SAXO1: variants seen among roughly 807,000 people sequenced by gnomAD.
SAXO1 encodes the protein 4930500O09Rik.
In SAXO1, 21 loss-of-function variants were observed where a neutral mutation model predicts 17.5. The ratio of observed to expected loss-of-function variants is 1.20; its 90% CI spans 0.85 to 1.72. The LOEUF (loss-of-function observed/expected upper bound fraction) is 1.72, where lower values mean the gene tolerates loss of function less well. Among genes scored for constraint, SAXO1 ranks in the 40% most tolerant of loss-of-function variants. The probability of loss-of-function intolerance (pLI) is 0.00; values close to 1 mark genes in which losing one functional copy is unlikely to be tolerated. For missense variants in SAXO1, 843 were observed against 596.0 expected, an observed-to-expected ratio of 1.41 and a Z score of -4.32; for synonymous variants, 274 against 216.5, an observed-to-expected ratio of 1.27 and a Z score of -2.33.
upstream of SAXO1, among the ~76,000 whole-genome samples, chr9:19,036,265 AAAAAG>A (rs1358634441): frequency 1.3e-5 from 2 of 151,850 alleles, no homozygotes; most frequent in African/African-American, 4.8e-5. Context: ...AAAAAAAAAA[AAAAAG>A]AAAGAAAGAA....
At chr9:18,955,738 T>C (rs951535010) in intron 1 of SAXO1, among the ~76,000 whole-genome samples, 1 of 152,092 alleles carries the variant, frequency 6.6e-6, no homozygotes, top group Non-Finnish European at 1.5e-5. Flanking sequence ...CTGCAGCTGC[T>C]CACTTTCCTG....
intron 1 of SAXO1, among the ~76,000 whole-genome samples, chr9:19,044,321 A>G (rs1836150184): frequency 6.6e-6 from 1 of 152,166 alleles, no homozygotes; most frequent in South Asian, 2.1e-4. Context: ...AAACTTTTCA[A>G]TTCTCTTTGG....
chr9:18,953,369 A>G (rs1042301949), intron 1 of SAXO1, among the ~76,000 whole-genome samples: 2 of 152,234 alleles, frequency 1.3e-5, no homozygotes, highest in Non-Finnish European at 2.9e-5. Flanking sequence ...ATTCCAAAAG[A>G]AAAATAAATT....
intron 1 of SAXO1, among the ~76,000 whole-genome samples, chr9:18,977,694 T>A (rs1833204527): frequency 6.6e-6 from 1 of 152,080 alleles, no homozygotes; most frequent in Non-Finnish European, 1.5e-5. Flanking sequence ...CACATTTTCC[T>A]CAAAGAAAGT....
chr9:18,990,227 A>G (rs1273925507), intron 1 of SAXO1, among the ~76,000 whole-genome samples: 1 of 151,874 alleles, frequency 6.6e-6, no homozygotes, highest in African/African-American at 2.4e-5. Flanking sequence ...CCTATAGCCT[A>G]TAATGACCGG....
chr9:19,040,896 G>C (rs537694082), intron 1 of SAXO1, among the ~76,000 whole-genome samples: 3 of 151,194 alleles, frequency 2.0e-5, no homozygotes, highest in African/African-American at 7.3e-5. Flanking sequence ...TACAATAAAT[G>C]AATTTTATAG....
chr9:18,941,286 C>A (rs1217446559), intron 3 of SAXO1, among the ~76,000 whole-genome samples: 2 of 139,932 alleles, frequency 1.4e-5, no homozygotes, highest in Non-Finnish European at 3.1e-5. Context: ...TCTCTGTCAA[C>A]AACTACTCAA....
At position 18,999,636 on chromosome 9, in the gene SAXO1, C is replaced by G. The variant is rs1446677414; in HGVS notation, c.38+33235G>C. 4.9e-4 allele frequency among the ~76,000 whole-genome samples: 41 copies of G among 82,834 alleles called. 1 individual carries two copies. Among genetic ancestry groups the G allele is most frequent in the East Asian group, 7.7e-4 (2 of 2,598 alleles). The allele number at this position is 82,834 out of a possible 152,430, so 54.3% of individuals were successfully genotyped here. On this transcript the variant is annotated intron_variant, in intron 1 of 3. Coordinates refer to ENST00000380534, the MANE Select transcript of SAXO1 (RefSeq NM_153707.4). ...TCCCACCATCTGGGAAGTGAAGAGC[C>G]CCTCTGCCCGGCCGCCACACCGTCT... is the stretch of plus-strand genomic sequence containing the variant.
intron 2 of SAXO1, 27 bp from the exon 3 acceptor site, chr9:18,941,866 G>T: frequency 6.2e-7 from 1 of 1,610,300 alleles, no homozygotes; most frequent in Non-Finnish European, 8.5e-7. Flanking sequence ...GCATGCTGTT[G>T]GGGTCCTTGG....
intron 1 of SAXO1, among the ~76,000 whole-genome samples, chr9:19,022,937 T>C (rs1835309670): frequency 6.6e-6 from 1 of 152,160 alleles, no homozygotes; most frequent in Non-Finnish European, 1.5e-5. Context: ...TTTGAAGACT[T>C]GCAAAGTTCA....
At chr9:19,022,246 C>T (rs1588548200) in intron 1 of SAXO1, among the ~76,000 whole-genome samples, 1 of 152,204 alleles carries the variant, frequency 6.6e-6, no homozygotes, top group Non-Finnish European at 1.5e-5. Context: ...CACCAACCCA[C>T]TGGAAGGAAG....
intron 1 of SAXO1, among the ~76,000 whole-genome samples, chr9:18,956,624 A>G (rs1832269199): frequency 6.6e-6 from 1 of 152,200 alleles, no homozygotes; most frequent in Non-Finnish European, 1.5e-5. Flanking sequence ...TGTAACATTG[A>G]GAAAACCACT....
intron 1 of SAXO1, among the ~76,000 whole-genome samples, chr9:18,955,903 C>A (rs979604214): frequency 2.0e-5 from 3 of 151,712 alleles, no homozygotes; most frequent in African/African-American, 7.3e-5. Flanking sequence ...ACCTCTTCTT[C>A]TACTGCACAG....
chr9:18,966,846 C>A (rs980520840), intron 1 of SAXO1, among the ~76,000 whole-genome samples: 14 of 152,190 alleles, frequency 9.2e-5, no homozygotes, highest in Admixed American at 9.2e-4. Flanking sequence ...AATTTTCAGC[C>A]TTTTTGCACT....
At chr9:19,001,759 A>T (rs182837784) in intron 1 of SAXO1, among the ~76,000 whole-genome samples, 5 of 152,306 alleles carry the variant, frequency 3.3e-5, no homozygotes, top group African/African-American at 1.2e-4. Context: ...TGTAGAAGGA[A>T]ATTTATAACA....
upstream of SAXO1, among the ~76,000 whole-genome samples, chr9:19,036,540 C>A (rs749576206): frequency 2.6e-5 from 4 of 152,152 alleles, no homozygotes; most frequent in Non-Finnish European, 5.9e-5. Context: ...CTGCTCCAGC[C>A]ATGGCTGAAA....
intron 1 of SAXO1, among the ~76,000 whole-genome samples, chr9:19,014,041 C>A (rs1004606149): frequency 2.6e-5 from 4 of 152,168 alleles, no homozygotes; most frequent in African/African-American, 7.2e-5. Flanking sequence ...GTTAAACGTC[C>A]TCAGGATAGT....
At chr9:18,963,584 T>C (rs1217771403) in intron 1 of SAXO1, among the ~76,000 whole-genome samples, 4 of 152,238 alleles carry the variant, frequency 2.6e-5, no homozygotes, top group Non-Finnish European at 4.4e-5. Context: ...AGTTCACTCA[T>C]GATTTAGCTC....
intron 1 of SAXO1, among the ~76,000 whole-genome samples, chr9:18,965,433 C>T (rs1832675151): frequency 6.6e-6 from 1 of 152,154 alleles, no homozygotes. Context: ...TCTGGGTGCT[C>T]CTGTATTGGG....
Sources: gnomAD v4.1 joint callset for allele counts (sites outside exome capture counted in the v4.1 genomes callset) on GRCh38, gnomAD v4.1.1 for gene constraint, MANE v1.5 for transcripts, NCBI Gene and HGNC (gene_info 2026-07-23, HGNC 2026-07-21) for gene names.